Variants in SHISA5 observed in about 807,000 individuals in gnomAD.
SHISA5 encodes shisa family member 5, also known as protein shisa-5.
SHISA5 carries 21 observed loss-of-function variants against 27.5 expected under a neutral mutation model. The observed-to-expected ratio is 0.76, with a 90% CI of 0.54 to 1.10. SHISA5 has a LOEUF of 1.10. SHISA5 is among the 50% of genes least tolerant of loss of function. The pLI is 0.00. For synonymous variants in SHISA5, 137 were observed against 142.2 expected, an observed-to-expected ratio of 0.96 and a Z score of 0.26; for missense variants, 314 against 336.3, an observed-to-expected ratio of 0.93 and a Z score of 0.52.
intron 3 of SHISA5, chr3:48,472,866 G>A (rs977744619): frequency 1.3e-5 from 12 of 894,484 alleles, no homozygotes; most frequent in Non-Finnish European, 1.9e-5. Context: ...GGTGTCTTCC[G>A]GCCCAACCAG....
Position 48,504,167 on chromosome 3 carries a change from G to T in SHISA5, c.-73C>A. On this transcript the variant is annotated 5_prime_UTR_variant, in exon 1 of 6. Coordinates refer to ENST00000296444, the MANE Select transcript of SHISA5 (RefSeq NM_016479.6). The surrounding 1 kb of genome is among the most constrained non-coding windows in gnomAD (Gnocchi z 4.0). ...CCGCCACAGCCTCAGTGATCCGCGC[G>T]GCCGCCCCTCTCCCTCGCCCCGCCC... is the stretch of plus-strand genomic sequence containing the variant. The T allele has an allele frequency of 1.4e-6, 1 of 705,154 alleles. No individual in the cohort carries two copies. 43.7% of individuals were successfully genotyped at this position (705,154 alleles called of 1,614,324 possible).
At chr3:48,483,671 A>G (rs1453537490) in intron 2 of SHISA5, among the ~76,000 whole-genome samples, 1 of 148,612 alleles carries the variant, frequency 6.7e-6, no homozygotes, top group East Asian at 2.0e-4. Context: ...GTGGCCGGGC[A>G]GAGGCGCCCC....
intron 2 of SHISA5, among the ~76,000 whole-genome samples, chr3:48,485,541 T>TTA (rs1410847809): frequency 7.2e-6 from 1 of 138,404 alleles, no homozygotes; most frequent in South Asian, 2.3e-4. Flanking sequence ...AATATATATA[T>TTA]TATATATATA....
At chr3:48,482,802 T>C (rs1575317275) in intron 2 of SHISA5, among the ~76,000 whole-genome samples, 2 of 152,030 alleles carry the variant, frequency 1.3e-5, no homozygotes, top group East Asian at 3.9e-4. Context: ...ACCCGGCTAA[T>C]TTTTGTATTT....
intron 1 of SHISA5, chr3:48,503,338 C>T (rs971710497): frequency 2.2e-6 from 1 of 457,030 alleles, no homozygotes; most frequent in Non-Finnish European, 4.2e-6. Flanking sequence ...TCCCCTTTCT[C>T]ATTTCTCTAG....
In SHISA5 at chr3:48,485,487, G is replaced by A. The variant is rs2041174036; in HGVS notation, c.234-6230C>T. ...TTGTTGCCCACCATGGGCAACAAGA[G>A]CAAAACTCCATCTCAAAAAATATAT... On this transcript the variant is annotated intron_variant, in intron 2 of 5. Coordinates refer to ENST00000296444, the MANE Select transcript of SHISA5 (RefSeq NM_016479.6). Among the ~76,000 whole-genome samples the A allele has an allele frequency of 2.8e-5, 4 of 145,304 alleles. No homozygotes were observed. In the South Asian group the frequency reaches 8.5e-4, roughly 31 times the overall value.
rs1321058365 is a variant in SHISA5, at chr3:48,501,234, C to T, written c.136G>A (p.Asp46Asn). 1 of 1,614,056 alleles carries T rather than the reference C, an allele frequency of 6.2e-7. No individual in the cohort carries two copies. Among genetic ancestry groups the T allele is most frequent in the Non-Finnish European group, 8.5e-7 (1 of 1,180,024 alleles). The change falls in exon 2 of 6, where the codon GAT (aspartate) becomes AAT (asparagine). Residue 46 changes from aspartate (D) to asparagine (N), a missense_variant. By Grantham distance (23) the Asp-to-Asn change is conservative (BLOSUM62 1). Transcript: ENST00000296444. ...TCATCACAGGTACCACAGCAGAAAT[C>T]TGGACAGGACTCGGGGAAGAGGCTG... is the stretch of plus-strand genomic sequence containing the variant. The part of the protein sequence containing the change: ...GLSLFPESCP[D>N]FCCGTCDDQY...
chr3:48,497,478 G>T (rs2041591214), intron 2 of SHISA5, among the ~76,000 whole-genome samples: 1 of 151,100 alleles, frequency 6.6e-6, no homozygotes, highest in South Asian at 2.1e-4. Context: ...GGCCAGGCAG[G>T]TCTTGATCTC....
rs1217591834 is a variant in SHISA5, at chr3:48,468,240, C to T, written c.*867G>A. ...CAACTATCATGTTTGAAACAGAAAACAGGCAAAATGTTTGGCTAAAATAAA... is the reference window on the plus strand; with the variant it reads ...CAACTATCATGTTTGAAACAGAAAATAGGCAAAATGTTTGGCTAAAATAAA... On this transcript the variant is annotated 3_prime_UTR_variant, in exon 6 of 6. Coordinates refer to ENST00000296444, the MANE Select transcript of SHISA5 (RefSeq NM_016479.6). The T allele has an allele frequency of 6.0e-6, 6 of 1,000,590 alleles. No individual in the cohort carries two copies. In the African/African-American group the frequency reaches 8.7e-5, roughly 15 times the overall value. 62.0% of individuals were successfully genotyped at this position (1,000,590 alleles called of 1,614,324 possible). A position where few individuals can be genotyped will look rare whatever the true frequency, so the allele number is the denominator to read the frequency against.
At position 48,470,636 on chromosome 3, in the gene SHISA5, T is replaced by G. The variant is rs1381261953; in HGVS notation, c.315-793A>C. The stretch of plus-strand genomic sequence containing the variant: ...CCCTGGGCTGGGAAGCTCACCAAAA[T>G]TGACTTCTAGGAGGGGGCAGTGGCT... On this transcript the variant is annotated intron_variant, in intron 3 of 5. Coordinates refer to ENST00000296444, the MANE Select transcript of SHISA5 (RefSeq NM_016479.6). The surrounding 1 kb of genome is among the most constrained non-coding windows in gnomAD (Gnocchi z 4.3). Among the ~76,000 whole-genome samples the G allele has an allele frequency of 6.6e-6, 1 of 152,094 alleles. No homozygotes were observed. The highest frequency in any genetic ancestry group is 2.4e-5 in the African/African-American group (1 of 41,406).
At chr3:48,480,984 A>T (rs979298512) in intron 2 of SHISA5, among the ~76,000 whole-genome samples, 6 of 151,852 alleles carry the variant, frequency 4.0e-5, no homozygotes, top group Non-Finnish European at 7.4e-5. Flanking sequence ...AATCCCAGCT[A>T]CTCTGGAGTC....
intron 2 of SHISA5, among the ~76,000 whole-genome samples, chr3:48,493,976 A>T (rs2041491108): frequency 6.8e-6 from 1 of 147,680 alleles, no homozygotes; most frequent in Admixed American, 6.6e-5. Context: ...TGGTGAGAAC[A>T]CTCAAAATCT....
intron 3 of SHISA5, among the ~76,000 whole-genome samples, chr3:48,471,170 G>A (rs967806948): frequency 3.9e-5 from 6 of 152,060 alleles, no homozygotes; most frequent in Non-Finnish European, 4.4e-5. Flanking sequence ...TGGAACCACA[G>A]GCATGCACTA....
intron 2 of SHISA5, among the ~76,000 whole-genome samples, chr3:48,481,966 G>A (rs1283395749): frequency 6.6e-6 from 1 of 151,682 alleles, no homozygotes; most frequent in South Asian, 2.1e-4. Flanking sequence ...CTACTCGGGA[G>A]GCTGAGGCAG....
At chr3:48,490,034 C>T (rs906809114) in intron 2 of SHISA5, among the ~76,000 whole-genome samples, 9 of 152,112 alleles carry the variant, frequency 5.9e-5, no homozygotes, top group Non-Finnish European at 1.0e-4. Flanking sequence ...GTGCACAGGC[C>T]GGAACCAGGT....
At chr3:48,487,549 A>G in intron 2 of SHISA5, among the ~76,000 whole-genome samples, 1 of 152,104 alleles carries the variant, frequency 6.6e-6, no homozygotes, top group Non-Finnish European at 1.5e-5. Flanking sequence ...TTTAATTAGA[A>G]GTTTAATAGA....
At chr3:48,500,130 T>C (rs1331893219) in intron 2 of SHISA5, among the ~76,000 whole-genome samples, 1 of 152,130 alleles carries the variant, frequency 6.6e-6, no homozygotes, top group Admixed American at 6.6e-5. Context: ...ATGACAACCA[T>C]TGTGGATTCA....
In SHISA5 at chr3:48,468,817, G is replaced by C. The variant is rs1435281458; in HGVS notation, c.*290C>G. On this transcript the variant is annotated 3_prime_UTR_variant, in exon 6 of 6. Transcript: ENST00000296444. Reference sequence around the variant, plus strand: ...CCTCTCAGGGGCCACCTCACAGGGTGCCCCCCACCACCCCATTCTTTGAGT... The same window carrying C: ...CCTCTCAGGGGCCACCTCACAGGGTCCCCCCCACCACCCCATTCTTTGAGT... The C allele has an allele frequency of 2.0e-6, 3 of 1,467,374 alleles. No individual in the cohort carries two copies. The East Asian group carries it at 8.7e-5, about 42-fold the overall frequency. The allele number at this position is 1,467,374 out of a possible 1,614,324, so 90.9% of individuals were successfully genotyped here.
Position 48,469,725 on chromosome 3 carries a change from T to A in SHISA5, c.430+3A>T. On this transcript the variant is annotated splice_donor_region_variant and intron_variant, in intron 4 of 5. Transcript: ENST00000296444. The surrounding 1 kb of genome is among the most constrained non-coding windows in gnomAD (Gnocchi z 4.6). Reference sequence around the variant, plus strand: ...CACAGTGGGGCAGGGTGGGCACGCTTACGACGTGGTCGGCGGCACGTCTTG... The same window carrying A: ...CACAGTGGGGCAGGGTGGGCACGCTAACGACGTGGTCGGCGGCACGTCTTG... 3.1e-6 allele frequency: 5 copies of A among 1,613,952 alleles called. No individual in the cohort carries two copies. In the South Asian group the frequency reaches 4.4e-5, roughly 14 times the overall value.
Sources: allele counts gnomAD v4.1 joint callset (sites outside exome capture counted in the v4.1 genomes callset), GRCh38; gene constraint gnomAD v4.1.1; non-coding constraint Gnocchi (gnomAD v3.1); transcripts MANE v1.5; gene names NCBI Gene and HGNC (gene_info 2026-07-23, HGNC 2026-07-21).